The following TEX9 variants were observed in gnomAD, a reference collection of about 807,000 sequenced individuals.
The protein encoded by TEX9 is testis expressed 9.
A neutral mutation model predicts 59.6 loss-of-function variants in TEX9; 74 were observed. That is an observed-to-expected ratio of 1.24 (90% CI 1.03 to 1.51). The LOEUF (loss-of-function observed/expected upper bound fraction) is 1.51, where lower values mean the gene tolerates loss of function less well. TEX9 is among the 40% of genes most tolerant of loss of function. The pLI is 0.00. For missense variants in TEX9, 522 were observed against 447.8 expected (o/e 1.17, Z -1.49); for synonymous variants, 186 against 152.2 (o/e 1.22, Z -1.64).
intron 1 of TEX9, among the ~76,000 whole-genome samples, chr15:56,260,503 T>G (rs1207770449): frequency 2.0e-5 from 3 of 152,132 alleles, no homozygotes; most frequent in Non-Finnish European, 2.9e-5. Context: ...CATTATTATT[T>G]TATTATTTAC....
At chr15:56,375,741 A>G (rs1195428688) in intron 3 of TEX9, among the ~76,000 whole-genome samples, 4 of 152,124 alleles carry the variant, frequency 2.6e-5, no homozygotes, top group African/African-American at 9.7e-5. Flanking sequence ...AAAGGACTAT[A>G]AATCATGCTG....
At chr15:56,394,990 T>A (rs1197844269) in intron 9 of TEX9, 156 bp downstream of exon 9, 15 of 732,338 alleles carry the variant, frequency 2.0e-5, no homozygotes, top group Admixed American at 1.3e-4. Context: ...AACAACTTTA[T>A]TGAGATGTAA....
At chr15:56,435,006 T>C (rs2050696203) in intron 12 of TEX9, among the ~76,000 whole-genome samples, 1 of 152,114 alleles carries the variant, frequency 6.6e-6, no homozygotes, top group South Asian at 2.1e-4. Context: ...AAAAATTTCA[T>C]ACATACTAAA....
At chr15:56,302,477 C>T (rs1457537964) in intron 1 of TEX9, among the ~76,000 whole-genome samples, 1 of 152,102 alleles carries the variant, frequency 6.6e-6, no homozygotes, top group Admixed American at 6.5e-5. Flanking sequence ...GCCATGATTG[C>T]ACCACTGCAC....
intron 1 of TEX9, among the ~76,000 whole-genome samples, chr15:56,246,488 G>A (rs1345617234): frequency 6.6e-6 from 1 of 152,158 alleles, no homozygotes; most frequent in Non-Finnish European, 1.5e-5. Context: ...ATCTGATGAA[G>A]TTACCCAAAA....
chr15:56,433,209 A>G (rs1447761755), intron 12 of TEX9, among the ~76,000 whole-genome samples: 2 of 148,690 alleles, frequency 1.3e-5, no homozygotes, highest in East Asian at 4.1e-4. Flanking sequence ...GATGGAAGTG[A>G]CACATGGACA....
At chr15:56,456,480 T>A in the TEX9 span, 2 of 1,612,472 alleles carry the variant, frequency 1.2e-6, no homozygotes, top group African/African-American at 1.3e-5. Context: ...GTTTTTCTTC[T>A]TGTTTGAGCT....
At chr15:56,287,984 A>T (rs2044993322) in intron 1 of TEX9, among the ~76,000 whole-genome samples, 1 of 152,210 alleles carries the variant, frequency 6.6e-6, no homozygotes, top group Admixed American at 6.5e-5. Flanking sequence ...CATGAACATG[A>T]GAGTGCAGAC....
intron 3 of TEX9, among the ~76,000 whole-genome samples, chr15:56,380,760 A>G (rs1215449397): frequency 2.0e-5 from 3 of 152,134 alleles, no homozygotes; most frequent in African/African-American, 7.2e-5. Flanking sequence ...CCTGGTCTGT[A>G]AGGTTTCCAC....
chr15:56,261,281 A>T lies in TEX9; in HGVS notation c.-107+17003A>T, dbSNP rs147468731. ...TTTCTGTTCTTTTTCTAACTTCTTG[A>T]GATGGTAACTTAGAAATTAATTTTT... On this transcript the variant is annotated intron_variant, in intron 1 of 5. Transcript: ENST00000560827. Among the ~76,000 whole-genome samples, 172 of 151,886 alleles carry T rather than the reference A, an allele frequency of 1.1e-3. 1 individual carries two copies. Among genetic ancestry groups the T allele is most frequent in the African/African-American group, 3.9e-3 (160 of 41,438 alleles).
At chr15:56,442,052 A>C (rs544331000) in intron 12 of TEX9, among the ~76,000 whole-genome samples, 1 of 151,880 alleles carries the variant, frequency 6.6e-6, no homozygotes, top group Non-Finnish European at 1.5e-5. Context: ...ATAAATAAAT[A>C]AAAAGAAAAA....
chr15:56,369,761 A>G (rs1336906673), intron 2 of TEX9, among the ~76,000 whole-genome samples: 2 of 152,098 alleles, frequency 1.3e-5, no homozygotes, highest in East Asian at 1.9e-4. Context: ...TGTATTTATT[A>G]TTTGTTGGCT....
chr15:56,398,001 T>TTA (rs2142388500), intron 9 of TEX9: 1 of 152,374 alleles, frequency 6.6e-6, no homozygotes, highest in African/African-American at 2.4e-5. Flanking sequence ...TTTATCCCTA[T>TTA]TATAGTCCAT....
chr15:56,394,095 G>A (rs894257578), intron 7 of TEX9, 70 bp from the exon 8 acceptor site: 33 of 1,388,012 alleles, frequency 2.4e-5, no homozygotes, highest in Admixed American at 4.0e-5. Flanking sequence ...ATAAAGTAAT[G>A]GTCTGTCTTA....
At chr15:56,297,884 A>G (rs76563587) in intron 1 of TEX9, among the ~76,000 whole-genome samples, 4,534 of 152,342 alleles carry the variant, frequency 0.03, 218 homozygotes, top group African/African-American at 0.1. Context: ...TCCTGAGGCC[A>G]ACTACTGTGC....
At chr15:56,251,043 G>T (rs547016298) in intron 1 of TEX9, among the ~76,000 whole-genome samples, 119 of 152,198 alleles carry the variant, frequency 7.8e-4, no homozygotes, top group African/African-American at 2.8e-3. Context: ...TCTTTATGTG[G>T]ATCTCAGGAA....
intron 1 of TEX9, among the ~76,000 whole-genome samples, chr15:56,260,096 T>C (rs1440227407): frequency 6.6e-6 from 1 of 152,158 alleles, no homozygotes; most frequent in Non-Finnish European, 1.5e-5. Flanking sequence ...GTATTGATTT[T>C]GTATTCAGTG....
chr15:56,365,339 C>A, upstream of TEX9: 1 of 1,399,020 alleles, frequency 7.1e-7, no homozygotes, highest in Non-Finnish European at 9.5e-7. Flanking sequence ...GCTCGCAGCA[C>A]AGAACCTGAG....
At chr15:56,428,701 T>G (rs979153690) in intron 12 of TEX9, 2 of 385,636 alleles carry the variant, frequency 5.2e-6, no homozygotes, top group African/African-American at 4.1e-5. Context: ...TTCTCCTCCC[T>G]TACAGTAGAC....
Sources: gnomAD v4.1 joint callset for allele counts (sites outside exome capture counted in the v4.1 genomes callset) on GRCh38, gnomAD v4.1.1 for gene constraint, MANE v1.5 for transcripts, NCBI Gene and HGNC (gene_info 2026-07-23, HGNC 2026-07-21) for gene names.